INPP5F: variants seen among roughly 807,000 people sequenced by gnomAD.
The protein encoded by INPP5F is inositol polyphosphate-5-phosphatase F, also known as phosphatidylinositide 4-phosphatase SAC2.
Under a neutral mutation model 137.2 loss-of-function variants are expected in INPP5F, and 97 were observed. The ratio of observed to expected loss-of-function variants is 0.71; its 90% CI spans 0.60 to 0.84. The LOEUF is 0.84. INPP5F is among the 40% of genes least tolerant of loss of function. The pLI is 0.00. For missense variants in INPP5F, 1,271 were observed against 1,371.9 expected (o/e 0.93, Z 1.16); for synonymous variants, 504 against 476.9 (o/e 1.06, Z -0.74).
At chr10:119,731,455 G>A (rs1214096927) in intron 1 of INPP5F, among the ~76,000 whole-genome samples, 1 of 152,170 alleles carries the variant, frequency 6.6e-6, no homozygotes, top group African/African-American at 2.4e-5. Flanking sequence ...CTTGAGGTCA[G>A]GAGTTCAAGA....
intron 1 of INPP5F, among the ~76,000 whole-genome samples, chr10:119,737,082 G>GC (rs913260935): frequency 5.3e-5 from 8 of 152,010 alleles, no homozygotes; most frequent in Admixed American, 2.0e-4. Flanking sequence ...TCCTCTCTGG[G>GC]CCCCCCAAAG....
intron 18 of INPP5F, 30 bp from the exon 19 acceptor site, chr10:119,823,785 A>G: frequency 6.4e-7 from 1 of 1,562,968 alleles, no homozygotes. Flanking sequence ...TTTATGGAGA[A>G]ATTGGCAGGC....
intron 2 of INPP5F, 44 bp from the exon 3 acceptor site, chr10:119,781,591 G>A: frequency 6.4e-7 from 1 of 1,551,878 alleles, no homozygotes; most frequent in Non-Finnish European, 8.8e-7. Context: ...CAGAACAGTA[G>A]CACTCTAAAA....
At chr10:119,784,969 C>T (rs1193442892) in intron 3 of INPP5F, among the ~76,000 whole-genome samples, 1 of 152,194 alleles carries the variant, frequency 6.6e-6, no homozygotes, top group Non-Finnish European at 1.5e-5. Flanking sequence ...ACCACGTGGC[C>T]TTTTGTGATG....
intron 12 of INPP5F, 83 bp from the exon 13 acceptor site, chr10:119,807,849 A>G: frequency 7.6e-7 from 1 of 1,323,836 alleles, no homozygotes; most frequent in Non-Finnish European, 1.0e-6. Context: ...GTATATGAAT[A>G]TGTTTCCTTT....
At chr10:119,759,973 G>A (rs1038297018) in intron 2 of INPP5F, among the ~76,000 whole-genome samples, 1 of 152,004 alleles carries the variant, frequency 6.6e-6, no homozygotes, top group Non-Finnish European at 1.5e-5. Flanking sequence ...CGTCTCCTTG[G>A]TGCAGATGGT....
chr10:119,827,453 GT>G lies in INPP5F; in HGVS notation c.3077del (p.Leu1026CysfsTer30). 1 of 1,614,164 alleles carries G rather than the reference GT, an allele frequency of 6.2e-7. No homozygotes were observed. Among genetic ancestry groups the G allele is most frequent in the Non-Finnish European group, 8.5e-7 (1 of 1,180,024 alleles). On this transcript the variant is annotated frameshift_variant, in exon 20 of 20. Transcript: ENST00000650623. LOFTEE classifies it high-confidence loss of function. Reference sequence around the variant, plus strand: ...TCTCTCTTTCTGCAACAGGCCCACAGTTTTTGTCAGTTGAGCCAGCGCATTC... The same window carrying G: ...TCTCTCTTTCTGCAACAGGCCCACAGTTTTGTCAGTTGAGCCAGCGCATTC... ...DVSLSATGPQ[F>X]LSVEPAHSVA...
intron 8 of INPP5F, 146 bp downstream of exon 8, chr10:119,797,786 A>C: frequency 1.6e-6 from 1 of 613,662 alleles, no homozygotes; most frequent in Admixed American, 3.6e-5. Context: ...AATAGAAAGT[A>C]ATGTAATAAT....
chr10:119,828,465 G>C lies in INPP5F; in HGVS notation c.*685G>C, dbSNP rs1363022914. On this transcript the variant is annotated 3_prime_UTR_variant, in exon 20 of 20. Transcript: ENST00000650623. The stretch of plus-strand genomic sequence containing the variant: ...CAGAGGTGAATACCAGCACCTATTA[G>C]GTTTCATTTTGCTGTTTTCAGGAAT... 6.6e-6 allele frequency: 1 copy of C among 152,108 alleles called. No individual in the cohort carries two copies. The highest frequency in any genetic ancestry group is 2.4e-5 in the African/African-American group (1 of 41,420). The allele number at this position is 152,108 out of a possible 1,614,324, so 9.4% of individuals were successfully genotyped here. A position where few individuals can be genotyped will look rare whatever the true frequency, so the allele number is the denominator to read the frequency against.
At chr10:119,746,650 A>G (rs997198744) in intron 1 of INPP5F, among the ~76,000 whole-genome samples, 1 of 152,240 alleles carries the variant, frequency 6.6e-6, no homozygotes, top group Non-Finnish European at 1.5e-5. Flanking sequence ...AAAACTGAAA[A>G]TATTTGCAAA....
intron 16 of INPP5F, among the ~76,000 whole-genome samples, chr10:119,822,089 C>T (rs542426028): frequency 2.0e-4 from 30 of 152,066 alleles, no homozygotes; most frequent in Non-Finnish European, 3.2e-4. Context: ...GGGGTTTCTC[C>T]GTGTTGGTCA....
chr10:119,794,757 A>ACCTC (rs1366130433), intron 6 of INPP5F, among the ~76,000 whole-genome samples: 6 of 65,702 alleles, frequency 9.1e-5, no homozygotes, highest in African/African-American at 3.0e-4. Context: ...TGACCCCCCC[A>ACCTC]CCTCCCTCCC....
In INPP5F at chr10:119,822,485, C is replaced by A; in HGVS notation, c.2013C>A (p.Asn671Lys). 1 of 1,520,858 alleles carries A rather than the reference C, an allele frequency of 6.6e-7. No homozygotes were observed. The highest frequency in any genetic ancestry group is 1.2e-5 in the South Asian group (1 of 82,326). The allele number at this position is 1,520,858 out of a possible 1,614,324, so 94.2% of individuals were successfully genotyped here. The change falls in exon 17 of 20, where the codon AAC becomes AAA. Residue 671 changes from asparagine to lysine, a missense_variant. By Grantham distance (94) the Asn-to-Lys change is moderately conservative (BLOSUM62 0). Around this residue, in one of 6 missense-constraint regions of INPP5F, gnomAD observed 593 missense variants for 712.4 expected, o/e 0.83. Coordinates refer to ENST00000650623, the MANE Select transcript of INPP5F (RefSeq NM_014937.4). ...VNQYQRLSLE[N>K]LEKIEIGPEP... Reference sequence around the variant, plus strand: ...AGTATCAACGACTAAGTCTAGAAAACCTGGAAAAAATTGAAATAGGTAAGT... The same window carrying A: ...AGTATCAACGACTAAGTCTAGAAAAACTGGAAAAAATTGAAATAGGTAAGT...
rs754544990 is a variant in INPP5F, at chr10:119,827,416, C to T, written c.3035C>T (p.Ser1012Leu). The T allele has an allele frequency of 5.6e-6, 9 of 1,614,042 alleles. No individual in the cohort carries two copies. The highest frequency in any genetic ancestry group is 1.1e-5 in the South Asian group (1 of 91,090). The part of the protein sequence containing the change: ...ESTEQTPSRP[S>L]QLDVSLSATG... Reference sequence around the variant, plus strand: ...ACAGAACAGACACCTTCTCGGCCATCGCAATTAGATGTCTCTCTTTCTGCA... The same window carrying T: ...ACAGAACAGACACCTTCTCGGCCATTGCAATTAGATGTCTCTCTTTCTGCA... The change falls in exon 20 of 20, where the codon TCG becomes TTG. Residue 1012 changes from serine (S) to leucine (L), a missense_variant. Transcript: ENST00000650623.
intron 9 of INPP5F, among the ~76,000 whole-genome samples, chr10:119,800,981 C>A: frequency 6.8e-6 from 1 of 147,392 alleles, no homozygotes; most frequent in African/African-American, 2.5e-5. Flanking sequence ...GGAGGGATAC[C>A]AAGTTTTGAC....
chr10:119,814,188 G>C (rs552267842), intron 15 of INPP5F, among the ~76,000 whole-genome samples: 22 of 152,032 alleles, frequency 1.4e-4, no homozygotes, highest in African/African-American at 4.8e-4. Context: ...TCAGGAGTTC[G>C]AGACCAGCCT....
intron 1 of INPP5F, among the ~76,000 whole-genome samples, chr10:119,746,023 A>G (rs142980143): frequency 6.6e-6 from 1 of 152,076 alleles, no homozygotes; most frequent in East Asian, 1.9e-4. Context: ...TGTTTATTCA[A>G]GTTTTTCCAC....
chr10:119,740,959 A>G (rs1424918300), intron 1 of INPP5F, among the ~76,000 whole-genome samples: 1 of 152,208 alleles, frequency 6.6e-6, no homozygotes, highest in Non-Finnish European at 1.5e-5. Context: ...AAAGTTACTA[A>G]CATTTATTAT....
chr10:119,794,435 G>A (rs1258736101), intron 6 of INPP5F, among the ~76,000 whole-genome samples: 11 of 151,764 alleles, frequency 7.2e-5, no homozygotes, highest in South Asian at 4.2e-4. Flanking sequence ...ACACAGACAC[G>A]GCAACCATCC....
Sources: gnomAD v4.1 joint callset for allele counts (sites outside exome capture counted in the v4.1 genomes callset) on GRCh38, gnomAD v4.1.1 for gene constraint, gnomAD v4.1.1 regional missense constraint, MANE v1.5 for transcripts, NCBI Gene and HGNC (gene_info 2026-07-23, HGNC 2026-07-21) for gene names.